CDH4: variants seen among roughly 807,000 people sequenced by gnomAD.
CDH4 encodes cadherin 4, also known as cadherin-4.
Under a neutral mutation model 86.0 loss-of-function variants are expected in CDH4, and 33 were observed. The ratio of observed to expected loss-of-function variants is 0.38; its 90% CI spans 0.29 to 0.51. The LOEUF (loss-of-function observed/expected upper bound fraction) is 0.51. Ranked by LOEUF, CDH4 falls within the 20% of genes least tolerant of loss-of-function variation. The pLI, the probability that CDH4 is intolerant of heterozygous loss-of-function variation, is 0.86. For missense variants in CDH4, 1,114 were observed against 1,307.4 expected, an observed-to-expected ratio of 0.85 and a Z score of 2.28; for synonymous variants, 555 against 549.4, an observed-to-expected ratio of 1.01 and a Z score of -0.14.
chr20:61,923,543 G>T lies in CDH4; in HGVS notation c.1467G>T (p.Gln489His). Residue 489 changes from glutamine to histidine, a missense_variant, in exon 10 of 16, where the codon CAG becomes CAT. Gln to His is a conservative substitution (Grantham distance 24). Coordinates refer to ENST00000614565, the MANE Select transcript of CDH4 (RefSeq NM_001794.5). ...CCAGCGGAATCCAGATGTCCTTCCAGTCCACGGCAGGGGTGACCATCTCCA... is the reference window on the plus strand; with the variant it reads ...CCAGCGGAATCCAGATGTCCTTCCATTCCACGGCAGGGGTGACCATCTCCA... ...PLASGIQMSFQSTAGVTISIM... is the reference protein window; with the variant it reads ...PLASGIQMSFHSTAGVTISIM... The T allele has an allele frequency of 6.2e-7, 1 of 1,614,198 alleles. No individual in the cohort carries two copies. Among genetic ancestry groups the T allele is most frequent in the Non-Finnish European group, 8.5e-7 (1 of 1,180,040 alleles).
At chr20:61,868,708 G>A (rs75028834) in intron 6 of CDH4, among the ~76,000 whole-genome samples, 2 of 151,280 alleles carry the variant, frequency 1.3e-5, no homozygotes, top group African/African-American at 2.4e-5. Flanking sequence ...CTCTGGGCAG[G>A]TGTCCCCCCA....
rs374937034 is a variant in CDH4 at position 61,716,178 on chromosome 20, C to A, written c.170-27385C>A. Among the ~76,000 whole-genome samples, 6 of 152,084 alleles carry A rather than the reference C, an allele frequency of 3.9e-5. No individual in the cohort carries two copies. In the East Asian group the frequency reaches 5.8e-4, roughly 15 times the overall value. On this transcript the variant is annotated intron_variant, in intron 2 of 15. Transcript: ENST00000614565. The stretch of plus-strand genomic sequence containing the variant: ...TAGATGCTCCTCACCTGTGAGCCGC[C>A]CCTTGGCTGGAGCTATAAAGGGGCA...
At chr20:61,616,884 C>T (rs1210406692) in intron 2 of CDH4, among the ~76,000 whole-genome samples, 1 of 152,170 alleles carries the variant, frequency 6.6e-6, no homozygotes, top group Non-Finnish European at 1.5e-5. Flanking sequence ...CGCTGCACAT[C>T]CAGGGGTTCT....
chr20:61,935,241 A>C (rs1393750373), intron 15 of CDH4, among the ~76,000 whole-genome samples: 2 of 152,144 alleles, frequency 1.3e-5, no homozygotes, highest in Non-Finnish European at 2.9e-5. Flanking sequence ...TCAGAATCTC[A>C]CTTTAAAGGA....
At chr20:61,817,408 T>G (rs1980773945) in intron 4 of CDH4, among the ~76,000 whole-genome samples, 1 of 152,106 alleles carries the variant, frequency 6.6e-6, no homozygotes, top group African/African-American at 2.4e-5. Context: ...TCCCAGTTGG[T>G]CCGGGAAGGC....
intron 6 of CDH4, among the ~76,000 whole-genome samples, chr20:61,853,895 C>T (rs1359296452): frequency 6.6e-6 from 1 of 152,134 alleles, no homozygotes; most frequent in Non-Finnish European, 1.5e-5. Flanking sequence ...GAGGTGAGGT[C>T]ACTGAGGAGA....
At chr20:61,673,566 G>T (rs749519164) in intron 2 of CDH4, among the ~76,000 whole-genome samples, 6 of 152,188 alleles carry the variant, frequency 3.9e-5, no homozygotes, top group Non-Finnish European at 5.9e-5. Context: ...CTTTGTTAAG[G>T]TCTCATTATC....
At chr20:61,435,924 G>A (rs2085279041) in intron 2 of CDH4, 1 of 152,314 alleles carries the variant, frequency 6.6e-6, no homozygotes, top group Admixed American at 6.5e-5. Flanking sequence ...TGTGTTCTGT[G>A]ACCTTCCAGG....
At chr20:61,755,412 C>T (rs2088551415) in intron 3 of CDH4, among the ~76,000 whole-genome samples, 1 of 144,870 alleles carries the variant, frequency 6.9e-6, no homozygotes, top group Non-Finnish European at 1.5e-5. Flanking sequence ...CCACACACAC[C>T]ATACACACAG....
chr20:61,583,250 G>A (rs1479445002), intron 2 of CDH4, among the ~76,000 whole-genome samples: 1 of 106,910 alleles, frequency 9.4e-6, no homozygotes, highest in Non-Finnish European at 1.9e-5. Flanking sequence ...AGAGGGCTCT[G>A]AGGAGGGACA....
chr20:61,442,349 C>T (rs1441720244), intron 2 of CDH4, among the ~76,000 whole-genome samples: 1 of 152,242 alleles, frequency 6.6e-6, no homozygotes, highest in Non-Finnish European at 1.5e-5. Context: ...CTTGCAGAAC[C>T]TGTTTTTAAA....
intron 2 of CDH4, among the ~76,000 whole-genome samples, chr20:61,648,063 G>T (rs943602270): frequency 6.6e-6 from 1 of 152,202 alleles, no homozygotes; most frequent in Non-Finnish European, 1.5e-5. Flanking sequence ...GCAGGCAGGC[G>T]TGGGCTCCAG....
intron 2 of CDH4, among the ~76,000 whole-genome samples, chr20:61,283,439 GGT>G (rs1216178353): frequency 0.089 from 2,122 of 23,786 alleles, 117 homozygotes; most frequent in Non-Finnish European, 0.11. Flanking sequence ...CGTGTGCTGT[GGT>G]GTGTGTGATG....
chr20:61,565,102 TC>T (rs2086258732), intron 2 of CDH4, among the ~76,000 whole-genome samples: 4 of 102,092 alleles, frequency 3.9e-5, no homozygotes, highest in Non-Finnish European at 8.4e-5. Flanking sequence ...TTGGTGGTGC[TC>T]TTGGTGGTGC....
chr20:61,406,312 T>TGGACCACCATCTGCTCTGCCC (rs1568832714), intron 2 of CDH4, among the ~76,000 whole-genome samples: 8 of 116,876 alleles, frequency 6.8e-5, no homozygotes, highest in African/African-American at 2.6e-4. Flanking sequence ...CTGCTCTGCC[T>TGGACCACCATCTGCTCTGCCC]GGACCACCAT....
At chr20:61,570,894 C>T (rs927419456) in intron 2 of CDH4, among the ~76,000 whole-genome samples, 2 of 152,198 alleles carry the variant, frequency 1.3e-5, no homozygotes, top group African/African-American at 4.8e-5. Context: ...TTGTCAGCTT[C>T]TCCTAAGAAA....
Position 61,506,045 on chromosome 20 carries a change from C to T in CDH4, c.170-237518C>T, listed in dbSNP as rs149438412. Among the ~76,000 whole-genome samples, 286 of 152,326 alleles carry T rather than the reference C, an allele frequency of 1.9e-3. 2 individuals carry two copies. The highest frequency in any genetic ancestry group is 6.5e-3 in the African/African-American group (270 of 41,584). ...CTGGATGGGATTTGAGAGTCATTTG[C>T]TCCCCATAAGAATTCTGAATGTGGA... On this transcript the variant is annotated intron_variant, in intron 2 of 15. Transcript: ENST00000614565.
chr20:61,705,415 C>T (rs913123559), intron 2 of CDH4, among the ~76,000 whole-genome samples: 1 of 152,224 alleles, frequency 6.6e-6, no homozygotes, highest in South Asian at 2.1e-4. Context: ...CTGGCTTCTG[C>T]GTTTGGTTTA....
intron 6 of CDH4, among the ~76,000 whole-genome samples, chr20:61,866,107 C>T (rs1420376936): frequency 6.6e-6 from 1 of 152,088 alleles, no homozygotes; most frequent in Admixed American, 6.5e-5. Context: ...CTGTAGTGGC[C>T]ACACCACCCC....
Sources: gnomAD v4.1 joint callset for allele counts (sites outside exome capture counted in the v4.1 genomes callset) on GRCh38, gnomAD v4.1.1 for gene constraint, MANE v1.5 for transcripts, NCBI Gene and HGNC (gene_info 2026-07-23, HGNC 2026-07-21) for gene names.